Variants in VCL observed in about 807,000 individuals in gnomAD.
The protein encoded by VCL is vinculin.
VCL carries 47 observed loss-of-function variants against 125.7 expected under a neutral mutation model. That is an observed-to-expected ratio of 0.37 (90% CI 0.30 to 0.48). VCL has a LOEUF of 0.48. Ranked by LOEUF, VCL falls within the 20% of genes least tolerant of loss-of-function variation. The pLI is 0.99. For missense variants in VCL, 1,069 were observed against 1,455.5 expected (o/e 0.73, Z 4.32); for synonymous variants, 458 against 514.6 (o/e 0.89, Z 1.49).
chr10:74,050,932 ATTTTTTTTTTT>A (rs10607921), intron 2 of VCL, among the ~76,000 whole-genome samples: 3 of 77,440 alleles, frequency 3.9e-5, no homozygotes, highest in African/African-American at 5.2e-5. Flanking sequence ...GTACTACTGT[ATTTTTTTTTTT>A]TTTTTTTTTT....
intron 18 of VCL, 86 bp from the exon 19 acceptor site, chr10:74,111,823 C>T: frequency 1.3e-6 from 2 of 1,544,060 alleles, no homozygotes; most frequent in Non-Finnish European, 1.8e-6. Context: ...GCTTTGGTTA[C>T]TAAACCAGCT....
chr10:74,094,217 T>G, intron 10 of VCL, 54 bp from the exon 11 acceptor site: 2 of 1,606,764 alleles, frequency 1.2e-6, no homozygotes, highest in Non-Finnish European at 1.7e-6. Flanking sequence ...AGCTAAGTGA[T>G]CTCAATGTAA....
At chr10:74,102,139 A>G (rs1474771424) in intron 14 of VCL, among the ~76,000 whole-genome samples, 1 of 152,016 alleles carries the variant, frequency 6.6e-6, no homozygotes, top group East Asian at 1.9e-4. Flanking sequence ...TGCTGAGATT[A>G]CAGGCATGAG....
At chr10:74,029,611 A>G (rs1202019621) in intron 1 of VCL, among the ~76,000 whole-genome samples, 1 of 152,090 alleles carries the variant, frequency 6.6e-6, no homozygotes, top group Non-Finnish European at 1.5e-5. Context: ...TAAGGAAACT[A>G]TGTGGCATCA....
At chr10:74,116,280 C>T (rs890476307) in intron 21 of VCL, among the ~76,000 whole-genome samples, 5 of 152,124 alleles carry the variant, frequency 3.3e-5, no homozygotes, top group African/African-American at 1.2e-4. Context: ...CAACTCTCAC[C>T]CTAATCCTCT....
At chr10:74,079,860 G>A (rs1345397359) in intron 6 of VCL, among the ~76,000 whole-genome samples, 1 of 152,042 alleles carries the variant, frequency 6.6e-6, no homozygotes, top group Non-Finnish European at 1.5e-5. Context: ...TAAAATTAAT[G>A]CTGTTAAAAA....
intron 13 of VCL, among the ~76,000 whole-genome samples, chr10:74,099,459 C>A (rs1017662485): frequency 6.6e-6 from 1 of 152,198 alleles, no homozygotes; most frequent in South Asian, 2.1e-4. Flanking sequence ...CCTATAGTAT[C>A]AGTGCTTAGC....
At position 73,999,581 on chromosome 10, in the gene VCL, G is replaced by A. The variant is rs937334926; in HGVS notation, c.168+1206G>A. On this transcript the variant is annotated intron_variant, in intron 1 of 21. Transcript: ENST00000211998. The stretch of plus-strand genomic sequence containing the variant: ...TAGTGTGTGTCAGGGCAGTTGGGCG[G>A]CAACTGTGGGTCTGTCTGGGTGGGG... Among the ~76,000 whole-genome samples the A allele has an allele frequency of 2.0e-5, 3 of 152,110 alleles. No homozygotes were observed. The South Asian group carries it at 6.2e-4, about 32-fold the overall frequency.
At chr10:74,059,229 C>T (rs1841436703) in intron 2 of VCL, among the ~76,000 whole-genome samples, 1 of 152,020 alleles carries the variant, frequency 6.6e-6, no homozygotes, top group South Asian at 2.1e-4. Flanking sequence ...GTGGCGCATG[C>T]CTATAATCCC....
intron 2 of VCL, among the ~76,000 whole-genome samples, chr10:74,048,530 A>ACTGT (rs1258613141): frequency 6.6e-6 from 1 of 151,844 alleles, no homozygotes; most frequent in Non-Finnish European, 1.5e-5. Context: ...GGAGTCAGCT[A>ACTGT]CTGTACTCCA....
chr10:74,002,741 G>A (rs1018750930), intron 1 of VCL, among the ~76,000 whole-genome samples: 1 of 151,596 alleles, frequency 6.6e-6, no homozygotes, highest in East Asian at 2.0e-4. Flanking sequence ...AATTAACTGG[G>A]CATGGTGGCA....
chr10:74,102,871 T>C (rs1840080378), intron 14 of VCL, among the ~76,000 whole-genome samples: 1 of 150,328 alleles, frequency 6.7e-6, no homozygotes, highest in Admixed American at 6.6e-5. Context: ...CTCTGTGAGT[T>C]TTTTTTTTTT....
At chr10:74,100,610 G>A (rs1433546981) in intron 13 of VCL, among the ~76,000 whole-genome samples, 1 of 152,292 alleles carries the variant, frequency 6.6e-6, no homozygotes, top group East Asian at 1.9e-4. Context: ...TTTTGAGAAT[G>A]GGGGTTGTTT....
intron 1 of VCL, among the ~76,000 whole-genome samples, chr10:74,029,021 G>A (rs1391616358): frequency 6.6e-6 from 1 of 151,864 alleles, no homozygotes; most frequent in Non-Finnish European, 1.5e-5. Context: ...GTTTCACCAT[G>A]TTGGCTAGGT....
chr10:74,028,284 A>G (rs1003099748), intron 1 of VCL, among the ~76,000 whole-genome samples: 1 of 150,894 alleles, frequency 6.6e-6, no homozygotes, highest in Admixed American at 6.6e-5. Flanking sequence ...GGGTCTTGCT[A>G]TGTTGCCCAG....
At position 74,070,751 on chromosome 10, in the gene VCL, T is replaced by C. The variant is rs1841651123; in HGVS notation, c.321T>C (p.Tyr107=). The C allele has an allele frequency of 6.2e-7, 1 of 1,614,016 alleles. No individual in the cohort carries two copies. Among genetic ancestry groups the C allele is most frequent in the Non-Finnish European group, 8.5e-7 (1 of 1,180,034 alleles). Residue 107 remains tyrosine, a synonymous_variant, in exon 3 of 22, where the codon TAT becomes TAC. Transcript: ENST00000211998. Reference sequence around the variant, plus strand: ...CTTACTCAGTGCCTGCTCGAGATTATCTAATTGATGGGTCAAGGGGCATCC... The same window carrying C: ...CTTACTCAGTGCCTGCTCGAGATTACCTAATTGATGGGTCAAGGGGCATCC... ...SDPYSVPARD[Y]LIDGSRGILS...
intron 2 of VCL, among the ~76,000 whole-genome samples, chr10:74,059,694 C>T (rs945228646): frequency 7.9e-5 from 12 of 152,258 alleles, no homozygotes; most frequent in South Asian, 4.1e-4. Flanking sequence ...TGTGAGCCAC[C>T]GCGTCCAGCC....
At chr10:74,039,265 C>T (rs1488616935) in intron 1 of VCL, among the ~76,000 whole-genome samples, 2 of 151,904 alleles carry the variant, frequency 1.3e-5, no homozygotes, top group Non-Finnish European at 1.5e-5. Flanking sequence ...CACCCCACCC[C>T]ACCCAGTCCA....
At chr10:74,033,471 C>T (rs1473942212) in intron 1 of VCL, among the ~76,000 whole-genome samples, 3 of 152,262 alleles carry the variant, frequency 2.0e-5, no homozygotes, top group African/African-American at 4.8e-5. Context: ...ACTGTCTTAA[C>T]GACACCATTA....
Sources: allele counts gnomAD v4.1 joint callset (sites outside exome capture counted in the v4.1 genomes callset), GRCh38; gene constraint gnomAD v4.1.1; transcripts MANE v1.5; gene names NCBI Gene and HGNC (gene_info 2026-07-23, HGNC 2026-07-21).